Variants in NUBPL observed in about 807,000 individuals in gnomAD.
NUBPL encodes the protein iron-sulfur cluster transfer protein NUBPL.
NUBPL carries 31 observed loss-of-function variants against 45.7 expected under a neutral mutation model. The ratio of observed to expected loss-of-function variants is 0.68; its 90% CI spans 0.51 to 0.92. The LOEUF (loss-of-function observed/expected upper bound fraction) is 0.92, where lower values mean the gene tolerates loss of function less well. Among genes scored for constraint, NUBPL ranks in the 40% least tolerant of loss-of-function variants. NUBPL has a pLI of 0.00. For synonymous variants in NUBPL, 144 were observed against 140.9 expected (o/e 1.02, Z -0.15); for missense variants, 401 against 398.7 (o/e 1.01, Z -0.05).
At chr14:31,584,459 A>G (rs1388933412) in intron 3 of NUBPL, among the ~76,000 whole-genome samples, 1 of 152,222 alleles carries the variant, frequency 6.6e-6, no homozygotes, top group Non-Finnish European at 1.5e-5. Flanking sequence ...TTAGAGATGT[A>G]GTTCACATAT....
chr14:31,748,823 G>A (rs1048651225), intron 6 of NUBPL, among the ~76,000 whole-genome samples: 2 of 152,054 alleles, frequency 1.3e-5, no homozygotes, highest in African/African-American at 4.8e-5. Flanking sequence ...ATGATGGCCA[G>A]GCTGGTCTTG....
chr14:31,751,423 G>T (rs1342967363), intron 6 of NUBPL, among the ~76,000 whole-genome samples: 3 of 152,256 alleles, frequency 2.0e-5, no homozygotes, highest in Non-Finnish European at 4.4e-5. Flanking sequence ...TGAAATGGGA[G>T]AAATTGACCA....
chr14:31,671,967 A>G (rs1008512409), intron 4 of NUBPL, among the ~76,000 whole-genome samples: 2 of 152,234 alleles, frequency 1.3e-5, no homozygotes, highest in African/African-American at 4.8e-5. Flanking sequence ...TTTTTGCCCA[A>G]TACTTGTCCA....
intron 6 of NUBPL, among the ~76,000 whole-genome samples, chr14:31,733,970 A>G (rs2038109554): frequency 6.6e-6 from 1 of 152,160 alleles, no homozygotes; most frequent in Non-Finnish European, 1.5e-5. Flanking sequence ...AGTTGTTATT[A>G]TTAATGGCTA....
At chr14:31,852,615 A>G (rs7148222) in intron 10 of NUBPL, among the ~76,000 whole-genome samples, 39,867 of 152,060 alleles carry the variant, frequency 0.26, 7,926 homozygotes, top group African/African-American at 0.56. Context: ...AGGTTGCAGT[A>G]AGCCGAGGTC....
intron 6 of NUBPL, among the ~76,000 whole-genome samples, chr14:31,768,889 C>T (rs1028987310): frequency 1.3e-5 from 2 of 151,926 alleles, no homozygotes; most frequent in African/African-American, 2.4e-5. Context: ...CGAGTCCTGC[C>T]GACTTATGCC....
At chr14:31,615,245 G>T (rs1016312499) in intron 4 of NUBPL, among the ~76,000 whole-genome samples, 1 of 152,058 alleles carries the variant, frequency 6.6e-6, no homozygotes, top group African/African-American at 2.4e-5. Context: ...CACCATGATT[G>T]TAAGTTTTCT....
Position 31,775,909 on chromosome 14 carries a change from G to A in NUBPL, c.514-11871G>A, listed in dbSNP as rs139805930. Reference sequence around the variant, plus strand: ...TGCATAGGATCCTGGGATATTCTGGGAATTTAGAATGTTCTAGATGGGGAG... The same window carrying A: ...TGCATAGGATCCTGGGATATTCTGGAAATTTAGAATGTTCTAGATGGGGAG... On this transcript the variant is annotated intron_variant, in intron 6 of 10. Coordinates refer to ENST00000281081, the MANE Select transcript of NUBPL (RefSeq NM_025152.3). Among the ~76,000 whole-genome samples, 993 of 152,242 alleles carry A rather than the reference G, an allele frequency of 6.5e-3. 11 individuals carry two copies. Among genetic ancestry groups the A allele is most frequent in the African/African-American group, 0.022 (930 of 41,550 alleles).
chr14:31,727,646 A>G (rs79434514), intron 6 of NUBPL, among the ~76,000 whole-genome samples: 7,239 of 152,306 alleles, frequency 0.048, 218 homozygotes, highest in Admixed American at 0.066. Flanking sequence ...GGTATATGCT[A>G]GGCACATTAG....
chr14:31,857,308 C>T (rs1456345458), intron 10 of NUBPL, among the ~76,000 whole-genome samples: 1 of 152,188 alleles, frequency 6.6e-6, no homozygotes, highest in African/African-American at 2.4e-5. Context: ...AACACGGGGA[C>T]TCTGGGCCCA....
intron 3 of NUBPL, among the ~76,000 whole-genome samples, chr14:31,579,391 T>G (rs1350862283): frequency 6.6e-6 from 1 of 152,230 alleles, no homozygotes; most frequent in East Asian, 1.9e-4. Context: ...CTGAAGGGTA[T>G]CCCGGCCAAG....
At chr14:31,575,730 T>G (rs964569554) in intron 3 of NUBPL, among the ~76,000 whole-genome samples, 1 of 152,210 alleles carries the variant, frequency 6.6e-6, no homozygotes, top group Non-Finnish European at 1.5e-5. Context: ...AATACTTTTA[T>G]TATAGCTTGG....
chr14:31,652,894 C>CA (rs2036045280), intron 4 of NUBPL, among the ~76,000 whole-genome samples: 1 of 151,926 alleles, frequency 6.6e-6, no homozygotes, highest in African/African-American at 2.4e-5. Flanking sequence ...ACGTGTCAGC[C>CA]GGTCTGAGAA....
chr14:31,570,078 A>C (rs2033541736), intron 3 of NUBPL, among the ~76,000 whole-genome samples: 2 of 152,130 alleles, frequency 1.3e-5, no homozygotes, highest in African/African-American at 2.4e-5. Flanking sequence ...TTTATTGAGC[A>C]CCTCTAACAC....
chr14:31,683,391 A>C (rs1165942277), intron 6 of NUBPL, among the ~76,000 whole-genome samples: 1 of 115,496 alleles, frequency 8.7e-6, no homozygotes, highest in Non-Finnish European at 1.6e-5. Flanking sequence ...ACAGGGTCTC[A>C]CTCTGTCACT....
intron 8 of NUBPL, among the ~76,000 whole-genome samples, chr14:31,841,916 G>GTTTT (rs2040374624): frequency 3.0e-5 from 1 of 33,174 alleles, no homozygotes; most frequent in Non-Finnish European, 5.4e-5. Flanking sequence ...TCGATTCTGG[G>GTTTT]CTTTTTTTTT....
intron 4 of NUBPL, among the ~76,000 whole-genome samples, chr14:31,638,775 G>C (rs1332035923): frequency 6.6e-6 from 1 of 152,116 alleles, no homozygotes; most frequent in Non-Finnish European, 1.5e-5. Flanking sequence ...TCTCTTGAAG[G>C]CTTTGTTCGT....
chr14:31,659,167 T>A (rs2036211041), intron 4 of NUBPL, among the ~76,000 whole-genome samples: 1 of 152,210 alleles, frequency 6.6e-6, no homozygotes, highest in Admixed American at 6.5e-5. Flanking sequence ...AAATAAAATA[T>A]CTAAAGTGTC....
intron 6 of NUBPL, among the ~76,000 whole-genome samples, chr14:31,692,514 A>C (rs1229245358): frequency 1.3e-5 from 2 of 152,254 alleles, no homozygotes; most frequent in Non-Finnish European, 2.9e-5. Context: ...TAGTGCTTTT[A>C]GTTCAATCTT....
Sources: gnomAD v4.1 joint callset for allele counts (sites outside exome capture counted in the v4.1 genomes callset) on GRCh38, gnomAD v4.1.1 for gene constraint, MANE v1.5 for transcripts, NCBI Gene and HGNC (gene_info 2026-07-23, HGNC 2026-07-21) for gene names.